ITGA5: variants seen among roughly 807,000 people sequenced by gnomAD.
ITGA5 encodes integrin alpha-5.
A neutral mutation model predicts 146.3 loss-of-function variants in ITGA5; 55 were observed. The observed-to-expected ratio is 0.38, with a 90% CI of 0.30 to 0.47. The LOEUF is 0.47. ITGA5 is among the 20% of genes least tolerant of loss of function. ITGA5 has a pLI of 0.99. For synonymous variants in ITGA5, 500 were observed against 531.8 expected, an observed-to-expected ratio of 0.94 and a Z score of 0.82; for missense variants, 1,131 against 1,329.0, an observed-to-expected ratio of 0.85 and a Z score of 2.32.
Position 54,409,634 on chromosome 12 carries a change from T to TGG in ITGA5, c.350-39_350-38dup, listed in dbSNP as rs1160617262. 1 of 1,457,994 alleles carries TGG rather than the reference T, an allele frequency of 6.9e-7. No individual in the cohort carries two copies. Among genetic ancestry groups the TGG allele is most frequent in the Admixed American group, 1.7e-5 (1 of 58,062 alleles). The allele number at this position is 1,457,994 out of a possible 1,614,324, so 90.3% of individuals were successfully genotyped here. ...GAGAAGGGGGAGTCTTACTGAGCCA[T>TGG]GGACATTTGAGCTCTAGGGCAGCCC... On this transcript the variant is annotated intron_variant, in intron 2 of 29. Transcript: ENST00000293379. This position sits in a 1 kb window ranked among gnomAD's most constrained non-coding sequence, Gnocchi z 4.7.
rs1454466472 is a variant in ITGA5, at chr12:54,411,974, G to A, written c.219-10C>T. 6.4e-7 allele frequency: 1 copy of A among 1,561,634 alleles called. No homozygotes were observed. The highest frequency in any genetic ancestry group is 1.4e-5 in the African/African-American group (1 of 72,686). On this transcript the variant is annotated splice_polypyrimidine_tract_variant and intron_variant, in intron 1 of 29. Transcript: ENST00000293379. ...CACCAGCACACTGACCCTGTGGGGG[G>A]GAAAAGCGAGGCAGTTGAGGATGGC...
Position 54,399,521 on chromosome 12 carries a change from A to G in ITGA5, c.2841+124T>C. 3 of 702,708 alleles carry G rather than the reference A, an allele frequency of 4.3e-6. No homozygotes were observed. In the South Asian group the frequency reaches 4.9e-5, roughly 12 times the overall value. The allele number at this position is 702,708 out of a possible 1,614,324, so 43.5% of individuals were successfully genotyped here. A position where few individuals can be genotyped will look rare whatever the true frequency, so the allele number is the denominator to read the frequency against. On this transcript the variant is annotated intron_variant, in intron 27 of 29. Transcript: ENST00000293379. ...AGCCTGGTCTAGACAAGGGCAAGGA[A>G]GGGGAGCTGGAGTGCTGGGTCCCAT...
At position 54,401,601 on chromosome 12, in the gene ITGA5, G is replaced by T; in HGVS notation, c.2371C>A (p.Gln791Lys). 6.2e-7 allele frequency: 1 copy of T among 1,614,156 alleles called. No homozygotes were observed. The highest frequency in any genetic ancestry group is 8.5e-7 in the Non-Finnish European group (1 of 1,180,012). Reference sequence around the variant, plus strand: ...GGCACTGACCCGTTCAGGGTGACCTGGGCCTGAGCCTCCACGGAGAGCCGA... The same window carrying T: ...GGCACTGACCCGTTCAGGGTGACCTTGGCCTGAGCCTCCACGGAGAGCCGA... ...SFRLSVEAQAQVTLNGVSKPE... is the reference protein window; with the variant it reads ...SFRLSVEAQAKVTLNGVSKPE... Residue 791 changes from glutamine to lysine, a missense_variant, in exon 23 of 30, where the codon CAG (glutamine) becomes AAG (lysine). Physicochemically the swap from Gln to Lys is moderately conservative, Grantham distance 53 (BLOSUM62 1). This residue lies in a region of ITGA5 where 889 missense variants were observed against 1,021.5 expected (regional missense o/e 0.87). Transcript: ENST00000293379. This position sits in a 1 kb window ranked among gnomAD's most constrained non-coding sequence, Gnocchi z 5.0.
At chr12:54,397,574 A>AGCCCAGTGGGCTCCCCTTT in intron 28 of ITGA5, 87 bp from the exon 29 acceptor site, 1 of 1,501,560 alleles carries the variant, frequency 6.7e-7, no homozygotes, top group South Asian at 1.2e-5. Flanking sequence ...GGATCTGCAG[A>AGCCCAGTGGGCTCCCCTTT]GCCCAGTGGG....
At chr12:54,411,740 A>T in intron 2 of ITGA5, 94 bp downstream of exon 2, 1 of 1,161,566 alleles carries the variant, frequency 8.6e-7, no homozygotes. Context: ...CCGGGGTTCC[A>T]GCAGGCTCCA....
rs1237520096 is a variant in ITGA5, at chr12:54,401,760, C to T, written c.2306+16G>A. On this transcript the variant is annotated intron_variant, in intron 22 of 29. Coordinates refer to ENST00000293379, the MANE Select transcript of ITGA5 (RefSeq NM_002205.5). This position sits in a 1 kb window ranked among gnomAD's most constrained non-coding sequence, Gnocchi z 5.0. ...GTCCCCAGCTCAGCCCCAGCCTAGA[C>T]ACACTCACTCCCTACCTGAGGATCT... 6.2e-7 allele frequency: 1 copy of T among 1,613,446 alleles called. No individual in the cohort carries two copies. The highest frequency in any genetic ancestry group is 8.5e-7 in the Non-Finnish European group (1 of 1,179,502).
Position 54,404,882 on chromosome 12 carries a change from C to A in ITGA5, c.1238G>T (p.Gly413Val). The A allele has an allele frequency of 6.3e-7, 1 of 1,579,544 alleles. No homozygotes were observed. Among genetic ancestry groups the A allele is most frequent in the Non-Finnish European group, 8.6e-7 (1 of 1,166,066 alleles). ...DQDGYNDVAI[G>V]APFGGETQQG... The stretch of plus-strand genomic sequence containing the variant: ...CTGGGTCTCCCCACCAAAGGGAGCC[C>A]CGATGGCCACATCTGGAAGACACAG... The change falls in exon 13 of 30, where the codon GGG becomes GTG. Residue 413 changes from glycine to valine, a missense_variant. Gly to Val is a moderately radical substitution (Grantham distance 109, BLOSUM62 -3). This residue lies in a region of ITGA5 where 889 missense variants were observed against 1,021.5 expected (regional missense o/e 0.87). Coordinates refer to ENST00000293379, the MANE Select transcript of ITGA5 (RefSeq NM_002205.5).
At chr12:54,396,442 C>A (rs1955711827) in intron 29 of ITGA5, 66 bp from the exon 30 acceptor site, 3 of 1,324,362 alleles carry the variant, frequency 2.3e-6, no homozygotes, top group East Asian at 2.3e-5. Context: ...GCTCTTATTC[C>A]AAGAAGTAAT....
intron 1 of ITGA5, among the ~76,000 whole-genome samples, chr12:54,413,991 A>G (rs1328658382): frequency 6.6e-6 from 1 of 152,210 alleles, no homozygotes; most frequent in Non-Finnish European, 1.5e-5. Flanking sequence ...AGTAGCCTGG[A>G]GTTTAGCAGG....
In ITGA5 at chr12:54,402,920, A is replaced by T. The variant is rs985782362; in HGVS notation, c.1982+63T>A. On this transcript the variant is annotated intron_variant, in intron 19 of 29. Transcript: ENST00000293379. ...AAGGCGACACAGCTAGTATGTCCCT[A>T]GCTGATTTTTTCAGGTGCCAGGTGC... is the stretch of plus-strand genomic sequence containing the variant. The T allele has an allele frequency of 5.9e-6, 8 of 1,367,108 alleles. No homozygotes were observed. In the African/African-American group the frequency reaches 9.9e-5, roughly 17 times the overall value. The allele number at this position is 1,367,108 out of a possible 1,614,324, so 84.7% of individuals were successfully genotyped here.
Position 54,403,176 on chromosome 12 carries a change from C to A in ITGA5, c.1914+11G>T. 1 of 1,565,600 alleles carries A rather than the reference C, an allele frequency of 6.4e-7. No individual in the cohort carries two copies. Among genetic ancestry groups the A allele is most frequent in the South Asian group, 1.2e-5 (1 of 83,170 alleles). On this transcript the variant is annotated intron_variant, in intron 18 of 29. Transcript: ENST00000293379. The surrounding 1 kb of genome is among the most constrained non-coding windows in gnomAD (Gnocchi z 4.9). ...GTCTTCCCAGGTCCCTTCTCCCTGC[C>A]CTGTCCTCACCTTGTCCTCTATCCG...
Position 54,401,132 on chromosome 12 carries a change from G to C in ITGA5, c.2494-137C>G, listed in dbSNP as rs1955779673. The C allele has an allele frequency of 1.0e-6, 1 of 952,416 alleles. No homozygotes were observed. The highest frequency in any genetic ancestry group is 2.6e-5 in the Admixed American group (1 of 38,676). 59.0% of individuals were successfully genotyped at this position (952,416 alleles called of 1,614,324 possible). A position where few individuals can be genotyped will look rare whatever the true frequency, so the allele number is the denominator to read the frequency against. Reference sequence around the variant, plus strand: ...AGATGAAGCAGGGAAGCAATGGGCAGAGGTGAAATCCTCTCTAGCCAACAC... The same window carrying C: ...AGATGAAGCAGGGAAGCAATGGGCACAGGTGAAATCCTCTCTAGCCAACAC... On this transcript the variant is annotated intron_variant, in intron 24 of 29. Coordinates refer to ENST00000293379, the MANE Select transcript of ITGA5 (RefSeq NM_002205.5). This position sits in a 1 kb window ranked among gnomAD's most constrained non-coding sequence, Gnocchi z 5.0.
chr12:54,400,624 C>G, intron 25 of ITGA5: 1 of 510,702 alleles, frequency 2.0e-6, no homozygotes, highest in Non-Finnish European at 3.5e-6. Context: ...AGGGGTATGC[C>G]GGGAAACAAA....
chr12:54,399,921 G>C lies in ITGA5; in HGVS notation c.2670C>G (p.His890Gln). Residue 890 changes from histidine to glutamine, a missense_variant, in exon 26 of 30, where the codon CAC (histidine) becomes CAG (glutamine). This residue lies in a region of ITGA5 where 889 missense variants were observed against 1,021.5 expected (regional missense o/e 0.87). Coordinates refer to ENST00000293379, the MANE Select transcript of ITGA5 (RefSeq NM_002205.5). Reference protein sequence around the residue: ...LELDPEGSLHHQQKREAPSRS... With the variant: ...LELDPEGSLHQQQKREAPSRS... ...GGCTTGGAGCTTCCCGTTTTTGCTG[G>C]TGGTGCAGGGAACCCTCGGGATCCA... 2 of 1,614,086 alleles carry C rather than the reference G, an allele frequency of 1.2e-6. No homozygotes were observed. The highest frequency in any genetic ancestry group is 4.5e-5 in the East Asian group (2 of 44,882).
chr12:54,401,839 C>T lies in ITGA5; in HGVS notation c.2243G>A (p.Arg748Gln). The part of the protein sequence containing the change: ...KAGASLWGGL[R>Q]FTVPHLRDTK... ...GTCCCGGAGATGAGGGACTGTAAAC[C>T]GAAGGCCACCCCACAGCTGGGGACA... The change falls in exon 22 of 30, where the codon CGG becomes CAG. Residue 748 changes from arginine to glutamine, a missense_variant. Physicochemically the swap from Arg to Gln is conservative, Grantham distance 43. This residue lies in a region of ITGA5 where 889 missense variants were observed against 1,021.5 expected (regional missense o/e 0.87). Coordinates refer to ENST00000293379, the MANE Select transcript of ITGA5 (RefSeq NM_002205.5). The surrounding 1 kb of genome is among the most constrained non-coding windows in gnomAD (Gnocchi z 5.0). The T allele has an allele frequency of 6.2e-7, 1 of 1,614,116 alleles. No homozygotes were observed. The highest frequency in any genetic ancestry group is 8.5e-7 in the Non-Finnish European group (1 of 1,179,980).
chr12:54,400,481 C>T (rs149693925), intron 25 of ITGA5: 141 of 218,066 alleles, frequency 6.5e-4, no homozygotes, highest in African/African-American at 3.1e-3. Context: ...ATTTCCTGGG[C>T]CTAACAGTGT....
At chr12:54,410,019 G>A (rs911407064) in intron 2 of ITGA5, among the ~76,000 whole-genome samples, 2 of 152,020 alleles carry the variant, frequency 1.3e-5, no homozygotes, top group African/African-American at 2.4e-5. Flanking sequence ...ACCACACCTG[G>A]CTAATTTTTG....
chr12:54,401,657 A>C lies in ITGA5; in HGVS notation c.2315T>G (p.Leu772Arg). The C allele has an allele frequency of 1.2e-6, 2 of 1,614,160 alleles. No homozygotes were observed. The highest frequency in any genetic ancestry group is 1.7e-6 in the Non-Finnish European group (2 of 1,180,020). Residue 772 changes from leucine (L) to arginine (R), a missense_variant, in exon 23 of 30, where the codon CTC becomes CGC. Physicochemically the swap from Leu to Arg is moderately radical, Grantham distance 102. Transcript: ENST00000293379. The surrounding 1 kb of genome is among the most constrained non-coding windows in gnomAD (Gnocchi z 5.0). ...AACCACGTCGCTTTGCGAGTTGTTG[A>C]GATTCTTGCTGTGGGATGGAGGCAA... ...QFDFQILSKN[L>R]NNSQSDVVSF...
In ITGA5 at chr12:54,403,409, G is replaced by A; in HGVS notation, c.1777-85C>T. 1 of 1,436,484 alleles carries A rather than the reference G, an allele frequency of 7.0e-7. No individual in the cohort carries two copies. The highest frequency in any genetic ancestry group is 9.3e-7 in the Non-Finnish European group (1 of 1,070,662). The allele number at this position is 1,436,484 out of a possible 1,614,324, so 89.0% of individuals were successfully genotyped here. On this transcript the variant is annotated intron_variant, in intron 17 of 29. Coordinates refer to ENST00000293379, the MANE Select transcript of ITGA5 (RefSeq NM_002205.5). The surrounding 1 kb of genome is among the most constrained non-coding windows in gnomAD (Gnocchi z 4.9). ...TCCTCAGCCTCTCTCATCTCCCTTT[G>A]TCTGCTTAGGGCCCAATTCCGACCA...
Sources: allele counts gnomAD v4.1 joint callset (sites outside exome capture counted in the v4.1 genomes callset), GRCh38; gene constraint gnomAD v4.1.1; regional missense constraint gnomAD v4.1.1; non-coding constraint Gnocchi (gnomAD v3.1); transcripts MANE v1.5; gene names NCBI Gene and HGNC (gene_info 2026-07-23, HGNC 2026-07-21).